CYTH1: variants seen among roughly 807,000 people sequenced by gnomAD.
CYTH1 encodes cytohesin 1, also known as cytohesin-1.
CYTH1 carries 18 observed loss-of-function variants against 61.8 expected under a neutral mutation model. The ratio of observed to expected loss-of-function variants is 0.29; its 90% CI spans 0.20 to 0.43. CYTH1 has a LOEUF of 0.43. Ranked by LOEUF, CYTH1 falls within the 20% of genes least tolerant of loss-of-function variation. The pLI is 1.00. For missense variants in CYTH1, 336 were observed against 510.5 expected, an observed-to-expected ratio of 0.66 and a Z score of 3.29; for synonymous variants, 174 against 184.3, an observed-to-expected ratio of 0.94 and a Z score of 0.45.
At chr17:78,739,878 G>A (rs1289329705) in intron 1 of CYTH1, among the ~76,000 whole-genome samples, 1 of 152,200 alleles carries the variant, frequency 6.6e-6, no homozygotes, top group Admixed American at 6.5e-5. Flanking sequence ...GTAAAAGAGA[G>A]AAGTCAAGGG....
intron 10 of CYTH1, among the ~76,000 whole-genome samples, chr17:78,692,985 C>T (rs563642407): frequency 6.6e-6 from 1 of 152,278 alleles, no homozygotes; most frequent in Non-Finnish European, 1.5e-5. Flanking sequence ...TTCAAATCCA[C>T]ACTTTCCCTG....
intron 13 of CYTH1, chr17:78,677,237 G>A (rs1422353322): frequency 2.6e-6 from 1 of 379,772 alleles, no homozygotes; most frequent in Non-Finnish European, 5.2e-6. Context: ...GAGGTGTTGG[G>A]GTGAATCTCC....
At chr17:78,706,397 G>C (rs2093066889) in intron 3 of CYTH1, among the ~76,000 whole-genome samples, 1 of 149,346 alleles carries the variant, frequency 6.7e-6, no homozygotes, top group African/African-American at 2.5e-5. Flanking sequence ...ACGCATGGAA[G>C]CACACGGTGC....
At chr17:78,769,598 ACAGCT>A (rs1334830343) in intron 1 of CYTH1, among the ~76,000 whole-genome samples, 1 of 152,050 alleles carries the variant, frequency 6.6e-6, no homozygotes, top group Non-Finnish European at 1.5e-5. Flanking sequence ...ACGCTCCTTC[ACAGCT>A]TGCTGCCATG....
chr17:78,723,264 A>C (rs2093244587), intron 1 of CYTH1: 1 of 153,018 alleles, frequency 6.5e-6, no homozygotes, highest in African/African-American at 2.4e-5. Context: ...AGCCCTGGGC[A>C]GCAACATCAA....
At chr17:78,769,077 C>G (rs1159081010) in intron 1 of CYTH1, among the ~76,000 whole-genome samples, 3 of 151,630 alleles carry the variant, frequency 2.0e-5, no homozygotes, top group Non-Finnish European at 4.4e-5. Flanking sequence ...ACCCAGGAGG[C>G]AGAAGTTGCA....
At chr17:78,709,601 C>T in intron 2 of CYTH1, 49 bp downstream of exon 2, 1 of 1,595,766 alleles carries the variant, frequency 6.3e-7, no homozygotes, top group Non-Finnish European at 8.6e-7. Flanking sequence ...ACAAATGGAA[C>T]TGTCACTGTG....
intron 1 of CYTH1, among the ~76,000 whole-genome samples, chr17:78,725,169 G>T (rs559240390): frequency 6.6e-6 from 1 of 152,050 alleles, no homozygotes; most frequent in South Asian, 2.1e-4. Flanking sequence ...CTTTCTTCTT[G>T]TTCAGAAGCT....
chr17:78,757,123 T>A (rs1326595553), intron 1 of CYTH1, among the ~76,000 whole-genome samples: 1 of 151,822 alleles, frequency 6.6e-6, no homozygotes, highest in Non-Finnish European at 1.5e-5. Context: ...AATTTTTTCA[T>A]ACTTTTAGTA....
intron 1 of CYTH1, among the ~76,000 whole-genome samples, chr17:78,758,939 G>A (rs987277805): frequency 1.3e-5 from 2 of 151,954 alleles, no homozygotes; most frequent in Non-Finnish European, 2.9e-5. Flanking sequence ...AGTAGGTCTC[G>A]TTATCTACTT....
Position 78,675,906 on chromosome 17 carries a change from T to C in CYTH1, c.*185A>G. 2 of 1,524,576 alleles carry C rather than the reference T, an allele frequency of 1.3e-6. No homozygotes were observed. The highest frequency in any genetic ancestry group is 4.9e-5 in the East Asian group (2 of 40,692). 94.4% of individuals were successfully genotyped at this position (1,524,576 alleles called of 1,614,324 possible). A position where few individuals can be genotyped will look rare whatever the true frequency, so the allele number is the denominator to read the frequency against. ...GCTGGACAGGTGGCCGGTCCTCTCTTCCCCAGTGATAACTGCCCACCCTTC... is the reference window on the plus strand; with the variant it reads ...GCTGGACAGGTGGCCGGTCCTCTCTCCCCCAGTGATAACTGCCCACCCTTC... On this transcript the variant is annotated 3_prime_UTR_variant, in exon 14 of 14. Coordinates refer to ENST00000446868, the MANE Select transcript of CYTH1 (RefSeq NM_004762.6).
intron 3 of CYTH1, among the ~76,000 whole-genome samples, chr17:78,703,818 T>C (rs1000010552): frequency 6.6e-6 from 1 of 152,192 alleles, no homozygotes; most frequent in Non-Finnish European, 1.5e-5. Context: ...CCACATCTGT[T>C]TATCCATTCA....
chr17:78,766,929 C>T (rs956772947), intron 1 of CYTH1, among the ~76,000 whole-genome samples: 12 of 152,216 alleles, frequency 7.9e-5, no homozygotes, highest in African/African-American at 2.9e-4. Flanking sequence ...CACTCAGCAG[C>T]TATGTCCCTT....
At chr17:78,766,015 G>T (rs77108863) in intron 1 of CYTH1, among the ~76,000 whole-genome samples, 2 of 150,800 alleles carry the variant, frequency 1.3e-5, no homozygotes, top group African/African-American at 4.9e-5. Context: ...CAGCACTTTG[G>T]GGGTGGGAGG....
chr17:78,749,484 T>C (rs1024847680), intron 1 of CYTH1, among the ~76,000 whole-genome samples: 1 of 151,506 alleles, frequency 6.6e-6, no homozygotes, highest in East Asian at 1.9e-4. Context: ...ATTTAAAAAT[T>C]AGCCAAGTTT....
At chr17:78,686,862 A>G (rs996082252) in intron 11 of CYTH1, among the ~76,000 whole-genome samples, 3 of 151,758 alleles carry the variant, frequency 2.0e-5, no homozygotes, top group Non-Finnish European at 4.4e-5. Context: ...GCTCACCGCA[A>G]CCTCCGCCTC....
intron 1 of CYTH1, among the ~76,000 whole-genome samples, chr17:78,764,878 G>A (rs2093442186): frequency 6.6e-6 from 1 of 152,036 alleles, no homozygotes; most frequent in Non-Finnish European, 1.5e-5. Flanking sequence ...ACTTCAGCTG[G>A]AGAAGACTGA....
chr17:78,696,478 C>T (rs1342743313), intron 9 of CYTH1, among the ~76,000 whole-genome samples: 5 of 152,206 alleles, frequency 3.3e-5, no homozygotes, highest in African/African-American at 4.8e-5. Context: ...CACAAGAATA[C>T]ACATTCTTAT....
chr17:78,754,050 G>A (rs1292228861), intron 1 of CYTH1, among the ~76,000 whole-genome samples: 1 of 152,128 alleles, frequency 6.6e-6, no homozygotes, highest in Non-Finnish European at 1.5e-5. Context: ...TACACGTGGA[G>A]TAGGGAGGGA....
Sources: gnomAD v4.1 joint callset for allele counts (sites outside exome capture counted in the v4.1 genomes callset) on GRCh38, gnomAD v4.1.1 for gene constraint, MANE v1.5 for transcripts, NCBI Gene and HGNC (gene_info 2026-07-23, HGNC 2026-07-21) for gene names.